Variants in NRXN1 observed in about 807,000 individuals in gnomAD.
NRXN1 encodes the protein neurexin-1.
Under a neutral mutation model 150.9 loss-of-function variants are expected in NRXN1, and 39 were observed. That is an observed-to-expected ratio of 0.26 (90% confidence interval 0.20 to 0.34). The LOEUF (loss-of-function observed/expected upper bound fraction) is 0.34, where lower values mean the gene tolerates loss of function less well. Ranked by LOEUF, NRXN1 falls within the 10% of genes least tolerant of loss-of-function variation. The pLI is 1.00. For synonymous variants in NRXN1, 924 were observed against 757.0 expected, an observed-to-expected ratio of 1.22 and a Z score of -3.62; for missense variants, 1,815 against 1,949.9, an observed-to-expected ratio of 0.93 and a Z score of 1.30.
chr2:50,362,278 G>C (rs1304275953), intron 17 of NRXN1, among the ~76,000 whole-genome samples: 1 of 151,400 alleles, frequency 6.6e-6, no homozygotes, highest in Non-Finnish European at 1.5e-5. Flanking sequence ...AGAAATAAAG[G>C]GTATTCAAAT....
chr2:50,961,199 T>C (rs1230940332), intron 2 of NRXN1, among the ~76,000 whole-genome samples: 1 of 151,908 alleles, frequency 6.6e-6, no homozygotes, highest in East Asian at 1.9e-4. Context: ...CAAGCATATA[T>C]GATAGAGGCC....
At chr2:49,985,403 A>C (rs889669414) in intron 21 of NRXN1, among the ~76,000 whole-genome samples, 1 of 152,192 alleles carries the variant, frequency 6.6e-6, no homozygotes, top group Non-Finnish European at 1.5e-5. Context: ...TACTATTCTT[A>C]GAATTTTCCT....
At chr2:50,413,215 A>C (rs897407234) in intron 17 of NRXN1, among the ~76,000 whole-genome samples, 1 of 152,232 alleles carries the variant, frequency 6.6e-6, no homozygotes, top group Non-Finnish European at 1.5e-5. Flanking sequence ...AGAATACATA[A>C]GGAGATATAA....
intron 8 of NRXN1, among the ~76,000 whole-genome samples, chr2:50,610,654 T>TATATATATATAC (rs1453302110): frequency 1.9e-5 from 2 of 107,950 alleles, no homozygotes; most frequent in Non-Finnish European, 3.5e-5. Context: ...TATATATATA[T>TATATATATATAC]ATATATATAT....
intron 5 of NRXN1, among the ~76,000 whole-genome samples, chr2:50,664,242 A>G (rs1354609122): frequency 6.6e-6 from 1 of 152,024 alleles, no homozygotes; most frequent in African/African-American, 2.4e-5. Flanking sequence ...CCCTCTTACA[A>G]AAGAAAATAA....
At chr2:50,544,531 G>C (rs977102042) in intron 9 of NRXN1, among the ~76,000 whole-genome samples, 1 of 151,928 alleles carries the variant, frequency 6.6e-6, no homozygotes, top group African/African-American at 2.4e-5. Flanking sequence ...CTGTGAGCTG[G>C]GAACTTCAGG....
intron 17 of NRXN1, among the ~76,000 whole-genome samples, chr2:50,339,951 C>T (rs896805431): frequency 2.0e-5 from 3 of 152,142 alleles, no homozygotes; most frequent in African/African-American, 7.2e-5. Context: ...AGTACCAATG[C>T]TGGGACAAAT....
At chr2:50,987,818 G>A (rs1697949226) in intron 2 of NRXN1, among the ~76,000 whole-genome samples, 1 of 151,914 alleles carries the variant, frequency 6.6e-6, no homozygotes, top group South Asian at 2.1e-4. Context: ...TCACACCAGA[G>A]ACCACTAACC....
Position 50,583,133 on chromosome 2 carries a change from C to T in NRXN1, c.1321-30108G>A, listed in dbSNP as rs114961864. Among the ~76,000 whole-genome samples, 1,030 of 152,126 alleles carry T rather than the reference C, an allele frequency of 6.8e-3. 13 individuals carry two copies. Among genetic ancestry groups the T allele is most frequent in the African/African-American group, 0.023 (967 of 41,502 alleles). On this transcript the variant is annotated intron_variant, in intron 8 of 22. Coordinates refer to ENST00000401669, the MANE Select transcript of NRXN1 (RefSeq NM_001330078.2). Reference sequence around the variant, plus strand: ...CGGCATGATCTCAGCTCACTGCAGCCTCAAACTCCTAGGTTCAAGCAAGCC... The same window carrying T: ...CGGCATGATCTCAGCTCACTGCAGCTTCAAACTCCTAGGTTCAAGCAAGCC...
At chr2:50,122,064 GAATAC>G (rs1259710653) in intron 18 of NRXN1, among the ~76,000 whole-genome samples, 1 of 152,162 alleles carries the variant, frequency 6.6e-6, no homozygotes, top group African/African-American at 2.4e-5. Context: ...AACATATGCT[GAATAC>G]AACTAAAGGC....
At chr2:50,590,825 T>C (rs941003789) in intron 8 of NRXN1, among the ~76,000 whole-genome samples, 6 of 152,102 alleles carry the variant, frequency 3.9e-5, no homozygotes, top group African/African-American at 1.2e-4. Context: ...AAACCAATAT[T>C]TGTTGTTTGA....
intron 5 of NRXN1, among the ~76,000 whole-genome samples, chr2:50,913,456 C>T (rs533263886): frequency 8.6e-4 from 130 of 151,676 alleles, no homozygotes; most frequent in Non-Finnish European, 1.6e-3. Context: ...GGTCAGTTTC[C>T]CAGGTAACTC....
chr2:50,865,774 T>C (rs1260947177), intron 5 of NRXN1, among the ~76,000 whole-genome samples: 1 of 142,502 alleles, frequency 7.0e-6, no homozygotes, highest in South Asian at 2.4e-4. Context: ...TGTACATACA[T>C]CTACTATTAA....
intron 5 of NRXN1, among the ~76,000 whole-genome samples, chr2:50,730,529 C>A (rs1163057669): frequency 2.6e-5 from 4 of 152,078 alleles, no homozygotes; most frequent in Non-Finnish European, 5.9e-5. Context: ...TTGACTAGTG[C>A]AGCCTTCAAA....
intron 8 of NRXN1, among the ~76,000 whole-genome samples, chr2:50,557,327 A>G (rs1301389835): frequency 6.6e-6 from 1 of 152,156 alleles, no homozygotes; most frequent in Non-Finnish European, 1.5e-5. Flanking sequence ...TTACTTAACT[A>G]TGGTAGTATG....
At chr2:50,415,844 G>GA (rs924576756) in intron 17 of NRXN1, among the ~76,000 whole-genome samples, 10 of 144,500 alleles carry the variant, frequency 6.9e-5, no homozygotes, top group Admixed American at 3.6e-4. Flanking sequence ...AAAAAAAACA[G>GA]AAAAAAATAG....
At chr2:50,371,873 T>C (rs538517779) in intron 17 of NRXN1, among the ~76,000 whole-genome samples, 15 of 152,158 alleles carry the variant, frequency 9.9e-5, no homozygotes, top group African/African-American at 3.4e-4. Flanking sequence ...CTCTGATGGA[T>C]AGCATGCAAA....
intron 5 of NRXN1, among the ~76,000 whole-genome samples, chr2:50,638,009 T>C (rs977146796): frequency 4.6e-5 from 7 of 152,180 alleles, no homozygotes; most frequent in Admixed American, 3.3e-4. Context: ...TTTATTTCAA[T>C]TGTGCATCTT....
At chr2:49,964,294 T>A (rs749981999) in intron 21 of NRXN1, among the ~76,000 whole-genome samples, 20 of 152,136 alleles carry the variant, frequency 1.3e-4, no homozygotes, top group Non-Finnish European at 2.4e-4. Context: ...ATCTTCCATA[T>A]ACTAAGAAGT....
Sources: allele counts gnomAD v4.1 joint callset (sites outside exome capture counted in the v4.1 genomes callset), GRCh38; gene constraint gnomAD v4.1.1; transcripts MANE v1.5; gene names NCBI Gene and HGNC (gene_info 2026-07-23, HGNC 2026-07-21).